Variants in COL4A2 observed in about 807,000 individuals in gnomAD.
The protein encoded by COL4A2 is collagen type IV alpha 2 chain.
Under a neutral mutation model 200.2 loss-of-function variants are expected in COL4A2, and 99 were observed. The observed-to-expected ratio is 0.49, with a 90% CI of 0.42 to 0.58. The LOEUF (loss-of-function observed/expected upper bound fraction) is 0.58. COL4A2 is among the 20% of genes least tolerant of loss of function. The probability of loss-of-function intolerance (pLI) is 0.00; values close to 1 mark genes in which losing one functional copy is unlikely to be tolerated. For missense variants in COL4A2, 1,950 were observed against 2,314.1 expected, an observed-to-expected ratio of 0.84 and a Z score of 3.23; for synonymous variants, 897 against 900.6, an observed-to-expected ratio of 1.00 and a Z score of 0.07.
chr13:110,391,837 G>C (rs993503390), intron 4 of COL4A2, among the ~76,000 whole-genome samples: 7 of 152,148 alleles, frequency 4.6e-5, no homozygotes, highest in Non-Finnish European at 7.3e-5. Flanking sequence ...CAGTGTTCCC[G>C]GCTGGCAGGT....
At chr13:110,469,424 C>A in intron 28 of COL4A2, 100 bp downstream of exon 28, 2 of 1,241,316 alleles carry the variant, frequency 1.6e-6, no homozygotes, top group Non-Finnish European at 2.2e-6. Context: ...TTTGTAGAAG[C>A]TGTTTTAACA....
chr13:110,389,404 G>A (rs1340319271), intron 4 of COL4A2, among the ~76,000 whole-genome samples: 2 of 152,212 alleles, frequency 1.3e-5, no homozygotes, highest in African/African-American at 4.8e-5. Context: ...ATCTGTAGAA[G>A]TGTGCGTGTG....
Position 110,474,726 on chromosome 13 carries a change from CACG to C in COL4A2, c.2425+1577_2425+1579del, listed in dbSNP as rs1882623091. ...GTGTACACTCACATGATCACACACG[CACG>C]TACCCACACACGTGCCGTGCACACT... is the stretch of plus-strand genomic sequence containing the variant. On this transcript the variant is annotated intron_variant, in intron 29 of 47. Coordinates refer to ENST00000360467, the MANE Select transcript of COL4A2 (RefSeq NM_001846.4). 1.4e-5 allele frequency among the ~76,000 whole-genome samples: 2 copies of C among 140,864 alleles called. 1 individual carries two copies. The highest frequency in any genetic ancestry group is 4.3e-4 in the East Asian group (2 of 4,602). The allele number at this position is 140,864 out of a possible 152,430, so 92.4% of individuals were successfully genotyped here.
At chr13:110,474,220 T>C (rs1375785495) in intron 29 of COL4A2, among the ~76,000 whole-genome samples, 2 of 152,198 alleles carry the variant, frequency 1.3e-5, no homozygotes, top group African/African-American at 4.8e-5. Context: ...TAGTCCCTGC[T>C]GCCAACCCCA....
At chr13:110,430,091 A>G in intron 8 of COL4A2, 135 bp downstream of exon 8, 1 of 888,916 alleles carries the variant, frequency 1.1e-6, no homozygotes, top group South Asian at 2.2e-5. Flanking sequence ...GGCATAATCT[A>G]AAAGTCATCT....
In COL4A2 at chr13:110,485,259, C is replaced by T. The variant is rs530912426; in HGVS notation, c.3025+232C>T. On this transcript the variant is annotated intron_variant, in intron 33 of 47. Coordinates refer to ENST00000360467, the MANE Select transcript of COL4A2 (RefSeq NM_001846.4). Reference sequence around the variant, plus strand: ...GCAGCACTGGCCGGGCGCGGTGGCTCACGCCTGTAATCCCAGCACTTTGGG... The same window carrying T: ...GCAGCACTGGCCGGGCGCGGTGGCTTACGCCTGTAATCCCAGCACTTTGGG... Among the ~76,000 whole-genome samples, 3 of 152,302 alleles carry T rather than the reference C, an allele frequency of 2.0e-5. No homozygotes were observed. The South Asian group carries it at 6.2e-4, about 32-fold the overall frequency.
At chr13:110,453,540 G>A (rs4573799) in intron 20 of COL4A2, among the ~76,000 whole-genome samples, 1 of 151,648 alleles carries the variant, frequency 6.6e-6, no homozygotes, top group South Asian at 2.1e-4. Flanking sequence ...TTTAAAGAAC[G>A]GTGATCAAAG....
intron 4 of COL4A2, among the ~76,000 whole-genome samples, chr13:110,388,606 T>C (rs1878863374): frequency 6.6e-6 from 1 of 152,162 alleles, no homozygotes; most frequent in African/African-American, 2.4e-5. Flanking sequence ...ATATGGCATA[T>C]GGTGAAAAAG....
chr13:110,424,731 C>T lies in COL4A2; in HGVS notation c.181-3C>T, dbSNP rs1280059099. On this transcript the variant is annotated splice_polypyrimidine_tract_variant and splice_region_variant and intron_variant, in intron 4 of 47. Coordinates refer to ENST00000360467, the MANE Select transcript of COL4A2 (RefSeq NM_001846.4). ...GGAAATTGAACCTTTGTTGTTCCCA[C>T]AGGGTCAGCCTGGGCCAGTGGGCCC... The T allele has an allele frequency of 6.3e-7, 1 of 1,592,446 alleles. No homozygotes were observed. The highest frequency in any genetic ancestry group is 1.1e-5 in the South Asian group (1 of 89,372).
In COL4A2 at chr13:110,439,853, T is replaced by G; in HGVS notation, c.957+20T>G. 1 of 1,613,858 alleles carries G rather than the reference T, an allele frequency of 6.2e-7. No homozygotes were observed. The highest frequency in any genetic ancestry group is 8.5e-7 in the Non-Finnish European group (1 of 1,179,910). ...CAGAAGGTAAGTTGGATGCATGAAC[T>G]GCAGTCTGCTCTGGGCCCACGACAT... On this transcript the variant is annotated intron_variant, in intron 16 of 47. Transcript: ENST00000360467.
At chr13:110,464,608 C>T (rs572841026) in intron 24 of COL4A2, among the ~76,000 whole-genome samples, 3 of 152,250 alleles carry the variant, frequency 2.0e-5, no homozygotes, top group South Asian at 2.1e-4. Context: ...TGCCCCGCTC[C>T]GTCATGCCTT....
chr13:110,489,447 T>C lies in COL4A2; in HGVS notation c.3210T>C (p.Gly1070=). ...AGATGGTTCATGTCTGTCTTTAGGGTGACAAAGGTGCCCCAGGGAGAGCAG... is the reference window on the plus strand; with the variant it reads ...AGATGGTTCATGTCTGTCTTTAGGGCGACAAAGGTGCCCCAGGGAGAGCAG... ...TGFPGFIGSR[G]DKGAPGRAGL... is the part of the protein sequence containing the mutation. The change falls in exon 35 of 48, where the codon GGT becomes GGC. Residue 1070 remains glycine (G), a splice_region_variant and synonymous_variant. Transcript: ENST00000360467. 6.2e-7 allele frequency: 1 copy of C among 1,614,046 alleles called. No individual in the cohort carries two copies. Among genetic ancestry groups the C allele is most frequent in the Non-Finnish European group, 8.5e-7 (1 of 1,179,988 alleles).
chr13:110,457,462 G>T, intron 21 of COL4A2, 27 bp downstream of exon 21: 1 of 1,337,994 alleles, frequency 7.5e-7, no homozygotes, highest in Non-Finnish European at 1.1e-6. Flanking sequence ...GGGACGGGAT[G>T]AGGACAGCCT....
At chr13:110,361,409 C>G (rs916411102) in intron 4 of COL4A2, among the ~76,000 whole-genome samples, 40 of 152,144 alleles carry the variant, frequency 2.6e-4, no homozygotes, top group African/African-American at 9.4e-4. Context: ...GGGGTGGCTC[C>G]CGTCTCTCTT....
intron 3 of COL4A2, among the ~76,000 whole-genome samples, chr13:110,341,844 AG>A (rs1876468094): frequency 6.6e-6 from 1 of 152,236 alleles, no homozygotes; most frequent in African/African-American, 2.4e-5. Context: ...GCATAATAAA[AG>A]CGGATATGAA....
intron 4 of COL4A2, among the ~76,000 whole-genome samples, chr13:110,380,549 A>C (rs1033609612): frequency 6.6e-6 from 1 of 152,208 alleles, no homozygotes. Context: ...GCACACACTC[A>C]CATTAGAAGA....
chr13:110,467,393 G>A (rs1055394568), intron 27 of COL4A2, among the ~76,000 whole-genome samples: 4 of 152,256 alleles, frequency 2.6e-5, no homozygotes, highest in African/African-American at 7.2e-5. Flanking sequence ...GTTTAGGACT[G>A]GAAAGGGGTT....
At chr13:110,505,038 C>A (rs1566572472) in intron 45 of COL4A2, among the ~76,000 whole-genome samples, 1 of 151,182 alleles carries the variant, frequency 6.6e-6, no homozygotes, top group Non-Finnish European at 1.5e-5. Flanking sequence ...ATGGTCTGAG[C>A]ATTAAAATTA....
intron 4 of COL4A2, among the ~76,000 whole-genome samples, chr13:110,385,564 CCG>C (rs1878680365): frequency 1.4e-5 from 2 of 140,788 alleles, no homozygotes; most frequent in African/African-American, 2.6e-5. Flanking sequence ...TGTGGATAGA[CCG>C]TGGCTGCAGT....
Sources: gnomAD v4.1 joint callset for allele counts (sites outside exome capture counted in the v4.1 genomes callset) on GRCh38, gnomAD v4.1.1 for gene constraint, MANE v1.5 for transcripts, NCBI Gene and HGNC (gene_info 2026-07-23, HGNC 2026-07-21) for gene names.